Variants in CAMK1D observed in about 807,000 individuals in gnomAD.
The protein encoded by CAMK1D is calcium/calmodulin-dependent protein kinase type 1D.
Under a neutral mutation model 47.7 loss-of-function variants are expected in CAMK1D, and 9 were observed. That is an observed-to-expected ratio of 0.19 (90% CI 0.11 to 0.33). The LOEUF is 0.33. Ranked by LOEUF, CAMK1D falls within the 10% of genes least tolerant of loss-of-function variation. The pLI is 1.00. For synonymous variants in CAMK1D, 184 were observed against 184.9 expected (o/e 0.99, Z 0.04); for missense variants, 291 against 488.7 (o/e 0.60, Z 3.81).
chr10:12,364,635 C>T (rs1837780939), intron 1 of CAMK1D, among the ~76,000 whole-genome samples: 1 of 151,954 alleles, frequency 6.6e-6, no homozygotes, highest in Non-Finnish European at 1.5e-5. Context: ...AAAGCAAAAC[C>T]TCACGCTCTG....
intron 6 of CAMK1D, among the ~76,000 whole-genome samples, chr10:12,812,951 C>CA (rs1214916013): frequency 3.3e-5 from 5 of 151,928 alleles, no homozygotes; most frequent in African/African-American, 1.2e-4. Context: ...AATTTTGGTC[C>CA]AAAAAAATGC....
intron 2 of CAMK1D, among the ~76,000 whole-genome samples, chr10:12,628,581 T>A (rs973854747): frequency 6.6e-6 from 1 of 152,230 alleles, no homozygotes; most frequent in African/African-American, 2.4e-5. Flanking sequence ...AATATTGGTA[T>A]TGATGAGCGG....
At chr10:12,752,716 T>C (rs1022622777) in intron 3 of CAMK1D, among the ~76,000 whole-genome samples, 3 of 152,232 alleles carry the variant, frequency 2.0e-5, no homozygotes, top group Admixed American at 2.0e-4. Context: ...CTGAATCTCT[T>C]GAGCATATGT....
chr10:12,676,700 A>G (rs1384376818), intron 3 of CAMK1D, among the ~76,000 whole-genome samples: 3 of 152,184 alleles, frequency 2.0e-5, no homozygotes, highest in Admixed American at 2.0e-4. Context: ...CCAGCCTAAT[A>G]TGATACACTG....
At chr10:12,793,369 CA>C (rs1838064682) in intron 6 of CAMK1D, among the ~76,000 whole-genome samples, 1 of 152,168 alleles carries the variant, frequency 6.6e-6, no homozygotes, top group African/African-American at 2.4e-5. Flanking sequence ...CCTGAAGTTA[CA>C]GCCTTGGGGT....
chr10:12,662,968 T>G (rs1840320142), intron 2 of CAMK1D, among the ~76,000 whole-genome samples: 1 of 152,182 alleles, frequency 6.6e-6, no homozygotes, highest in African/African-American at 2.4e-5. Context: ...TTTGTTTTCG[T>G]TTTTGTTTTT....
Position 12,537,912 on chromosome 10 carries a change from C to G in CAMK1D, c.93-15313C>G, listed in dbSNP as rs143539929. ...TTTTTAATTTAGAAATTTAATCAAC[C>G]TGAATTCTTCAAGGAACCCAGATTA... On this transcript the variant is annotated intron_variant, in intron 1 of 10. Coordinates refer to ENST00000619168, the MANE Select transcript of CAMK1D (RefSeq NM_153498.4). Among the ~76,000 whole-genome samples, 758 of 152,142 alleles carry G rather than the reference C, an allele frequency of 5.0e-3. 10 individuals carry two copies. Among genetic ancestry groups the G allele is most frequent in the African/African-American group, 0.017 (714 of 41,494 alleles).
intron 3 of CAMK1D, among the ~76,000 whole-genome samples, chr10:12,750,093 G>A (rs990728812): frequency 6.6e-6 from 1 of 152,134 alleles, no homozygotes; most frequent in Non-Finnish European, 1.5e-5. Context: ...AGCACATACT[G>A]TACATTTGTG....
chr10:12,722,250 CG>C (rs1228101073), intron 3 of CAMK1D, among the ~76,000 whole-genome samples: 1 of 151,708 alleles, frequency 6.6e-6, no homozygotes, highest in Non-Finnish European at 1.5e-5. Flanking sequence ...GAGACCATCC[CG>C]GGGATAACAC....
At chr10:12,356,685 G>GCA (rs1279650666) in intron 1 of CAMK1D, among the ~76,000 whole-genome samples, 1 of 135,542 alleles carries the variant, frequency 7.4e-6, no homozygotes, top group Non-Finnish European at 1.5e-5. Context: ...TTGTGCCACT[G>GCA]CACTCCAGCC....
intron 6 of CAMK1D, among the ~76,000 whole-genome samples, chr10:12,791,821 G>T (rs1837993576): frequency 6.6e-6 from 1 of 152,090 alleles, no homozygotes; most frequent in Non-Finnish European, 1.5e-5. Flanking sequence ...TCACTTCTTT[G>T]GGGTTTCTAT....
chr10:12,655,753 G>A (rs1292330639), intron 2 of CAMK1D, among the ~76,000 whole-genome samples: 2 of 152,226 alleles, frequency 1.3e-5, no homozygotes, highest in South Asian at 2.1e-4. Flanking sequence ...GGGCGTTTCT[G>A]TATTAGTCCA....
intron 2 of CAMK1D, among the ~76,000 whole-genome samples, chr10:12,557,838 T>TG (rs753820155): frequency 3.3e-5 from 5 of 152,226 alleles, no homozygotes; most frequent in Non-Finnish European, 7.3e-5. Context: ...AAAGACTGCC[T>TG]GCCCCCCTTT....
At chr10:12,367,891 G>C (rs923197146) in intron 1 of CAMK1D, among the ~76,000 whole-genome samples, 1 of 152,106 alleles carries the variant, frequency 6.6e-6, no homozygotes, top group African/African-American at 2.4e-5. Flanking sequence ...TGGACCCCTG[G>C]CTTAGAAGGT....
At chr10:12,793,513 A>G (rs1214591710) in intron 6 of CAMK1D, among the ~76,000 whole-genome samples, 2 of 152,250 alleles carry the variant, frequency 1.3e-5, no homozygotes, top group South Asian at 2.1e-4. Flanking sequence ...ACAAAATGCC[A>G]TGTGGTTTAA....
At position 12,574,903 on chromosome 10, in the gene CAMK1D, A is replaced by C. The variant is rs75670299; in HGVS notation, c.224+21547A>C. On this transcript the variant is annotated intron_variant, in intron 2 of 10. Coordinates refer to ENST00000619168, the MANE Select transcript of CAMK1D (RefSeq NM_153498.4). ...GATGCTGCACGCTTCTAACAACCAG[A>C]TCTCACGAGAACTCACTATGAGGAG... Among the ~76,000 whole-genome samples, 247 of 152,070 alleles carry C rather than the reference A, an allele frequency of 1.6e-3. 3 individuals are homozygous for C. The highest frequency in any genetic ancestry group is 5.6e-3 in the African/African-American group (233 of 41,494).
intron 2 of CAMK1D, among the ~76,000 whole-genome samples, chr10:12,571,844 A>G (rs868808176): frequency 1.2e-4 from 18 of 152,240 alleles, no homozygotes; most frequent in Middle Eastern, 3.4e-3. Context: ...ATCAAATTGT[A>G]CTATTTTCAC....
intron 6 of CAMK1D, among the ~76,000 whole-genome samples, chr10:12,810,432 G>A (rs764370059): frequency 3.2e-4 from 48 of 152,040 alleles, no homozygotes; most frequent in Non-Finnish European, 5.1e-4. Context: ...CTGCCACCAC[G>A]CCCAGCTAAT....
chr10:12,627,225 G>A (rs1222313110), intron 2 of CAMK1D, among the ~76,000 whole-genome samples: 1 of 151,778 alleles, frequency 6.6e-6, no homozygotes, highest in East Asian at 1.9e-4. Context: ...GGGACTACAG[G>A]TGCCTGCCAC....
Sources: allele counts gnomAD v4.1 joint callset (sites outside exome capture counted in the v4.1 genomes callset), GRCh38; gene constraint gnomAD v4.1.1; transcripts MANE v1.5; gene names NCBI Gene and HGNC (gene_info 2026-07-23, HGNC 2026-07-21).